TTC28: variants seen among roughly 807,000 people sequenced by gnomAD.
TTC28 encodes tetratricopeptide repeat domain 28.
Under a neutral mutation model 198.0 loss-of-function variants are expected in TTC28, and 61 were observed. The observed-to-expected ratio is 0.31, with a 90% CI of 0.25 to 0.38. The LOEUF (loss-of-function observed/expected upper bound fraction) is 0.38, where lower values mean the gene tolerates loss of function less well. TTC28 is among the 10% of genes least tolerant of loss of function. The pLI is 1.00. For synonymous variants in TTC28, 1,171 were observed against 1,297.8 expected (o/e 0.90, Z 2.10); for missense variants, 2,678 against 3,164.0 (o/e 0.85, Z 3.69).
intron 5 of TTC28, among the ~76,000 whole-genome samples, chr22:28,215,622 ATG>A (rs765106778): frequency 1.7e-4 from 25 of 150,812 alleles, no homozygotes; most frequent in South Asian, 4.2e-4. Context: ...GTGTGTGTGT[ATG>A]TGTGTGTGTG....
Position 27,981,920 on chromosome 22 carries a change from G to T in TTC28, c.*301C>A, listed in dbSNP as rs41277943. On this transcript the variant is annotated 3_prime_UTR_variant, in exon 23 of 23. Transcript: ENST00000397906. ...CATTTTTGTACAAAATCCTGGTGAAGAATCATATCAAAGATGAGAAGCAGG... is the reference window on the plus strand; with the variant it reads ...CATTTTTGTACAAAATCCTGGTGAATAATCATATCAAAGATGAGAAGCAGG... 0.014 allele frequency: 4,484 copies of T among 316,178 alleles called. 37 individuals are homozygous for T. The highest frequency in any genetic ancestry group is 0.019 in the Non-Finnish European group (3,387 of 174,420). 19.6% of individuals were successfully genotyped at this position (316,178 alleles called of 1,614,324 possible).
intron 1 of TTC28, among the ~76,000 whole-genome samples, chr22:28,656,515 C>T (rs928865731): frequency 7.9e-5 from 12 of 152,146 alleles, no homozygotes; most frequent in Admixed American, 7.2e-4. Context: ...GATCACAAAG[C>T]AGAATACATA....
At chr22:28,199,647 G>C (rs1925746712) in intron 5 of TTC28, among the ~76,000 whole-genome samples, 1 of 151,028 alleles carries the variant, frequency 6.6e-6, no homozygotes, top group African/African-American at 2.4e-5. Flanking sequence ...TCTGGAGGAG[G>C]GTTTGTGACA....
chr22:28,584,027 T>A, intron 2 of TTC28, among the ~76,000 whole-genome samples: 1 of 150,808 alleles, frequency 6.6e-6, no homozygotes, highest in South Asian at 2.1e-4. Flanking sequence ...TTTTTTTTTT[T>A]TTTTTTGGCA....
intron 17 of TTC28, 136 bp downstream of exon 17, chr22:27,995,999 A>G: frequency 3.0e-6 from 4 of 1,322,870 alleles, no homozygotes; most frequent in Non-Finnish European, 4.0e-6. Flanking sequence ...GAAGCCGGTC[A>G]GTGCCATCCT....
intron 2 of TTC28, among the ~76,000 whole-genome samples, chr22:28,471,634 G>C: frequency 6.6e-6 from 1 of 152,160 alleles, no homozygotes; most frequent in Non-Finnish European, 1.5e-5. Flanking sequence ...CCAAATGCTC[G>C]TCACTAATTA....
intron 6 of TTC28, among the ~76,000 whole-genome samples, chr22:28,141,243 C>T (rs1943326750): frequency 1.3e-5 from 2 of 152,206 alleles, no homozygotes; most frequent in Admixed American, 1.3e-4. Context: ...CCTTCCCTGC[C>T]ATCAACTTGC....
At position 27,978,712 on chromosome 22, in the gene TTC28, G is replaced by A. The variant is rs1052361547; in HGVS notation, c.*3509C>T. ...CACATCAGTGTGGATCAAAATGTAA[G>A]TTTTAGTAGCAATTTTTCTCTTGAT... is the stretch of plus-strand genomic sequence containing the variant. On this transcript the variant is annotated 3_prime_UTR_variant, in exon 23 of 23. Coordinates refer to ENST00000397906, the MANE Select transcript of TTC28 (RefSeq NM_001145418.2). 3.3e-5 allele frequency: 5 copies of A among 152,206 alleles called. No homozygotes were observed. Among genetic ancestry groups the A allele is most frequent in the African/African-American group, 1.2e-4 (5 of 41,436 alleles). The allele number at this position is 152,206 out of a possible 1,614,324, so 9.4% of individuals were successfully genotyped here.
intron 2 of TTC28, among the ~76,000 whole-genome samples, chr22:28,420,586 T>C (rs945889859): frequency 1.6e-5 from 2 of 125,306 alleles, no homozygotes; most frequent in African/African-American, 2.9e-5. Context: ...AAAAAAAAGG[T>C]GTTTTTTTTG....
rs1369377847 is a variant in TTC28, at chr22:28,005,269, C to A, written c.4219-3716G>T. The stretch of plus-strand genomic sequence containing the variant: ...AAAAGGGGAAAGACACAGTGCTGGG[C>A]AGGCAGGCCACCATGCACAGCACTG... On this transcript the variant is annotated intron_variant, in intron 14 of 22. Transcript: ENST00000397906. This position sits in a 1 kb window ranked among gnomAD's most constrained non-coding sequence, Gnocchi z 4.9. Among the ~76,000 whole-genome samples the A allele has an allele frequency of 6.6e-6, 1 of 152,216 alleles. No individual in the cohort carries two copies. Among genetic ancestry groups the A allele is most frequent in the African/African-American group, 2.4e-5 (1 of 41,446 alleles).
intron 1 of TTC28, among the ~76,000 whole-genome samples, chr22:28,648,079 A>G (rs957947178): frequency 3.4e-5 from 5 of 145,806 alleles, no homozygotes; most frequent in African/African-American, 1.0e-4. Flanking sequence ...AAAAAATTAG[A>G]CGGGCATGGT....
Position 28,548,850 on chromosome 22 carries a change from T to C in TTC28, c.381+80702A>G, listed in dbSNP as rs190607467. ...CCCCTACCTATGATGCCTCTTTTAT[T>C]CACATCCAAATCCTACCAATCCTTT... On this transcript the variant is annotated intron_variant, in intron 2 of 22. Coordinates refer to ENST00000397906, the MANE Select transcript of TTC28 (RefSeq NM_001145418.2). Among the ~76,000 whole-genome samples, 3 of 152,282 alleles carry C rather than the reference T, an allele frequency of 2.0e-5. No homozygotes were observed. The East Asian group carries it at 5.8e-4, about 29-fold the overall frequency.
chr22:28,025,444 CTG>C (rs1480877850), intron 13 of TTC28, among the ~76,000 whole-genome samples: 1 of 152,228 alleles, frequency 6.6e-6, no homozygotes, highest in Admixed American at 6.5e-5. Context: ...CTCCTCTGCA[CTG>C]TGTGCCTCAC....
intron 2 of TTC28, among the ~76,000 whole-genome samples, chr22:28,577,221 T>A (rs1480257652): frequency 6.6e-6 from 1 of 152,068 alleles, no homozygotes; most frequent in Non-Finnish European, 1.5e-5. Flanking sequence ...CTTAATTTTT[T>A]ATTGACCCAC....
intron 12 of TTC28, among the ~76,000 whole-genome samples, chr22:28,033,564 C>T (rs1254385768): frequency 6.6e-6 from 1 of 152,166 alleles, no homozygotes; most frequent in Non-Finnish European, 1.5e-5. Context: ...CTTTAGTTCT[C>T]CCTTCTTACT....
intron 2 of TTC28, among the ~76,000 whole-genome samples, chr22:28,365,716 A>C (rs536585450): frequency 1.3e-5 from 2 of 152,348 alleles, no homozygotes; most frequent in East Asian, 3.9e-4. Flanking sequence ...GTACACATGC[A>C]TATTTGTCTG....
At chr22:28,625,921 A>G (rs188180226) in intron 2 of TTC28, among the ~76,000 whole-genome samples, 3 of 152,316 alleles carry the variant, frequency 2.0e-5, no homozygotes, top group East Asian at 1.9e-4. Context: ...CAAAGGTGCC[A>G]GGATAATTCA....
At position 28,544,454 on chromosome 22, in the gene TTC28, A is replaced by G. The variant is rs897211403; in HGVS notation, c.381+85098T>C. Among the ~76,000 whole-genome samples the G allele has an allele frequency of 2.0e-5, 3 of 152,216 alleles. No homozygotes were observed. In the East Asian group the frequency reaches 5.8e-4, roughly 29 times the overall value. On this transcript the variant is annotated intron_variant, in intron 2 of 22. Coordinates refer to ENST00000397906, the MANE Select transcript of TTC28 (RefSeq NM_001145418.2). ...CTAAGACTAGAATGAAACTTTCTCA[A>G]CATGATATAAGGCTTCTATAAGAAA...
intron 5 of TTC28, among the ~76,000 whole-genome samples, chr22:28,229,888 T>C (rs1170821638): frequency 6.6e-6 from 1 of 152,148 alleles, no homozygotes; most frequent in Non-Finnish European, 1.5e-5. Flanking sequence ...TTAAAACATT[T>C]TGAGATGCTT....
Sources: allele counts gnomAD v4.1 joint callset (sites outside exome capture counted in the v4.1 genomes callset), GRCh38; gene constraint gnomAD v4.1.1; non-coding constraint Gnocchi (gnomAD v3.1); transcripts MANE v1.5; gene names NCBI Gene and HGNC (gene_info 2026-07-23, HGNC 2026-07-21).